Variants in BLTP1 observed in about 807,000 individuals in gnomAD.
BLTP1 encodes bridge-like lipid transfer protein family member 1, also known as fragile site-associated protein.
chr4:122,286,074 A>G, the BLTP1 span, among the ~76,000 whole-genome samples: 1 of 152,212 alleles, frequency 6.6e-6, no homozygotes, highest in African/African-American at 2.4e-5. Context: ...TGTTTCAGTG[A>G]GTACAATTTA....
At chr4:122,244,171 A>G in the BLTP1 span, 2 of 883,192 alleles carry the variant, frequency 2.3e-6, no homozygotes, top group South Asian at 3.4e-5. Context: ...GATTATTGAT[A>G]GCTATTTTGA....
chr4:122,166,427 G>A, the BLTP1 span, among the ~76,000 whole-genome samples: 2 of 152,218 alleles, frequency 1.3e-5, no homozygotes, highest in East Asian at 1.9e-4. Context: ...CGTTCCATTG[G>A]TCTATATCTC....
chr4:122,356,255 C>G, the BLTP1 span, among the ~76,000 whole-genome samples: 1 of 152,166 alleles, frequency 6.6e-6, no homozygotes, highest in Admixed American at 6.5e-5. Context: ...ATAGGTTGAG[C>G]ATCCCAATCC....
At chr4:122,331,163 A>C in the BLTP1 span, 4 of 897,364 alleles carry the variant, frequency 4.5e-6, no homozygotes, top group Non-Finnish European at 5.3e-6. Flanking sequence ...TATTCAGTAC[A>C]TAGTAGCTGA....
chr4:122,353,061 T>A, the BLTP1 span: 1 of 1,614,082 alleles, frequency 6.2e-7, no homozygotes, highest in Non-Finnish European at 8.5e-7. The surrounding 1 kb of genome is among the most constrained non-coding windows in gnomAD (Gnocchi z 4.3). Flanking sequence ...CATGTTTTCA[T>A]GGTCCAAATT....
At chr4:122,344,837 A>T in the BLTP1 span, 1 of 984,966 alleles carries the variant, frequency 1.0e-6, no homozygotes, top group African/African-American at 1.7e-5. Flanking sequence ...TTTCTCCACC[A>T]TGAATTGGTA....
the BLTP1 span, chr4:122,349,521 C>T: frequency 6.2e-7 from 1 of 1,610,994 alleles, no homozygotes; most frequent in Non-Finnish European, 8.5e-7. This position sits in a 1 kb window ranked among gnomAD's most constrained non-coding sequence, Gnocchi z 4.5. Context: ...TACTGAAGCT[C>T]GTGTTGATTA....
the BLTP1 span, among the ~76,000 whole-genome samples, chr4:122,165,010 G>A: frequency 6.6e-6 from 1 of 152,176 alleles, no homozygotes; most frequent in African/African-American, 2.4e-5. Context: ...CGTATGCACT[G>A]TAAGTAGGTG....
At chr4:122,260,958 C>G in the BLTP1 span, among the ~76,000 whole-genome samples, 1 of 151,970 alleles carries the variant, frequency 6.6e-6, no homozygotes, top group Admixed American at 6.6e-5. Context: ...AGGATGATAT[C>G]TATTTGTGTG....
the BLTP1 span, chr4:122,243,963 A>G: frequency 3.6e-5 from 58 of 1,612,014 alleles, no homozygotes; most frequent in Non-Finnish European, 4.7e-5. Flanking sequence ...GACAACAGCC[A>G]TAGTTGAAGT....
chr4:122,163,696 C>T, the BLTP1 span, among the ~76,000 whole-genome samples: 2 of 152,198 alleles, frequency 1.3e-5, no homozygotes, highest in Non-Finnish European at 2.9e-5. Flanking sequence ...CCTCACTTTA[C>T]ACATGAGGAA....
At chr4:122,255,141 T>C in the BLTP1 span, 1 of 1,603,270 alleles carries the variant, frequency 6.2e-7, no homozygotes, top group Non-Finnish European at 8.5e-7. Context: ...AATAAAAGTG[T>C]ACATTTTCCC....
the BLTP1 span, chr4:122,180,212 G>A: frequency 7.1e-6 from 7 of 983,078 alleles, no homozygotes; most frequent in African/African-American, 8.7e-5. Context: ...GTGACTTAAG[G>A]CAAGAATTTT....
At chr4:122,346,935 T>C in the BLTP1 span, 2 of 864,846 alleles carry the variant, frequency 2.3e-6, no homozygotes, top group Non-Finnish European at 2.8e-6. Flanking sequence ...GCACTGAGGA[T>C]ATATCAGAGA....
chr4:122,190,133 G>C, the BLTP1 span: 1 of 1,606,012 alleles, frequency 6.2e-7, no homozygotes, highest in East Asian at 2.2e-5. Flanking sequence ...GTGAGACTCT[G>C]TCACACAGGC....
the BLTP1 span, among the ~76,000 whole-genome samples, chr4:122,360,793 T>C: frequency 1.3e-5 from 2 of 148,718 alleles, no homozygotes; most frequent in African/African-American, 5.0e-5. Context: ...TTGTAAAATC[T>C]GTTTTGTATT....
the BLTP1 span, chr4:122,271,277 A>G: frequency 1.2e-6 from 2 of 1,614,036 alleles, no homozygotes; most frequent in Non-Finnish European, 1.7e-6. Context: ...GATAGATGAC[A>G]TCAAAGCAAC....
chr4:122,248,944 T>A, the BLTP1 span: 6 of 277,610 alleles, frequency 2.2e-5, no homozygotes, highest in Non-Finnish European at 3.3e-5. Context: ...GAGAGAGAAA[T>A]GAAAAAAGTA....
the BLTP1 span, chr4:122,200,675 G>A: frequency 8.1e-6 from 8 of 984,810 alleles, no homozygotes; most frequent in Non-Finnish European, 9.6e-6. Context: ...TTCACACTGA[G>A]CCTGTCACTT....
Sources: allele counts gnomAD v4.1 joint callset (sites outside exome capture counted in the v4.1 genomes callset), GRCh38; gene constraint gnomAD v4.1.1; non-coding constraint Gnocchi (gnomAD v3.1); transcripts MANE v1.5; gene names NCBI Gene and HGNC (gene_info 2026-07-23, HGNC 2026-07-21).